GORASP1: variants seen among roughly 807,000 people sequenced by gnomAD.
GORASP1 encodes the protein golgi reassembly stacking protein 1.
GORASP1 carries 31 observed loss-of-function variants against 37.7 expected under a neutral mutation model. The observed-to-expected ratio is 0.82, with a 90% CI of 0.62 to 1.11. The LOEUF is 1.11. Ranked by LOEUF, GORASP1 falls within the 50% of genes least tolerant of loss-of-function variation. The probability of loss-of-function intolerance (pLI) is 0.00; values close to 1 mark genes in which losing one functional copy is unlikely to be tolerated. For missense variants in GORASP1, 476 were observed against 560.7 expected (o/e 0.85, Z 1.53); for synonymous variants, 204 against 224.8 (o/e 0.91, Z 0.83).
rs919745853 is a variant in GORASP1, at chr3:39,096,711, T to C, written c.*1525A>G. On this transcript the variant is annotated 3_prime_UTR_variant, in exon 9 of 9. Coordinates refer to ENST00000319283, the MANE Select transcript of GORASP1 (RefSeq NM_031899.4). ...TATTTTCATTTGTTATTTTCTTTCA[T>C]AGCAGATTACAGAGAAAGAAAGAAA... The C allele has an allele frequency of 6.6e-6, 1 of 152,190 alleles. No homozygotes were observed. The highest frequency in any genetic ancestry group is 1.5e-5 in the Non-Finnish European group (1 of 68,030). 9.4% of individuals were successfully genotyped at this position (152,190 alleles called of 1,614,324 possible).
In GORASP1 at chr3:39,102,604, C is replaced by T; in HGVS notation, c.348+74G>A. On this transcript the variant is annotated intron_variant, in intron 3 of 8. Coordinates refer to ENST00000319283, the MANE Select transcript of GORASP1 (RefSeq NM_031899.4). This position sits in a 1 kb window ranked among gnomAD's most constrained non-coding sequence, Gnocchi z 5.0. ...CACTCCTGCATGTACCCCCTCACAC[C>T]CCGCCCACACCCAGACCTGCCCCAG... 6.7e-7 allele frequency: 1 copy of T among 1,487,620 alleles called. No individual in the cohort carries two copies. The highest frequency in any genetic ancestry group is 9.3e-7 in the Non-Finnish European group (1 of 1,077,954). The allele number at this position is 1,487,620 out of a possible 1,614,324, so 92.2% of individuals were successfully genotyped here.
chr3:39,101,405 C>T (rs55783725), intron 3 of GORASP1: 34,892 of 554,714 alleles, frequency 0.063, 1,497 homozygotes, highest in African/African-American at 0.16. Context: ...ATTATTGAAC[C>T]TCTCCTAGCC....
At chr3:39,107,367 A>T in intron 1 of GORASP1, 112 bp downstream of exon 1, 1 of 684,266 alleles carries the variant, frequency 1.5e-6, no homozygotes, top group Non-Finnish European at 2.1e-6. Context: ...ACCCAGGCGG[A>T]AACACTCGGG....
At position 39,105,197 on chromosome 3, in the gene GORASP1, C is replaced by T. The variant is rs972296892; in HGVS notation, c.64-1644G>A. On this transcript the variant is annotated intron_variant, in intron 1 of 8. Coordinates refer to ENST00000319283, the MANE Select transcript of GORASP1 (RefSeq NM_031899.4). This position sits in a 1 kb window ranked among gnomAD's most constrained non-coding sequence, Gnocchi z 5.4. The stretch of plus-strand genomic sequence containing the variant: ...GCCTCATCACTACTCACTATGGCTC[C>T]GCAGCTGAAATAATCTATGCTGCTG... 5.9e-5 allele frequency among the ~76,000 whole-genome samples: 9 copies of T among 151,940 alleles called. No individual in the cohort carries two copies. The highest frequency in any genetic ancestry group is 1.0e-4 in the Non-Finnish European group (7 of 67,998).
At chr3:39,099,230 T>A (rs750106205) in intron 7 of GORASP1, 123 bp downstream of exon 7, 5 of 1,118,478 alleles carry the variant, frequency 4.5e-6, no homozygotes, top group Non-Finnish European at 6.8e-6. Context: ...GATATGCAAC[T>A]ATTAAATATC....
chr3:39,098,077 T>C lies in GORASP1; in HGVS notation c.*159A>G. 4.9e-6 allele frequency: 4 copies of C among 821,872 alleles called. No individual in the cohort carries two copies. Among genetic ancestry groups the C allele is most frequent in the Non-Finnish European group, 7.5e-6 (4 of 530,896 alleles). 50.9% of individuals were successfully genotyped at this position (821,872 alleles called of 1,614,324 possible). ...GACCTGAGGGTACACGGCCAAAAGA[T>C]ATCCTCCCACAAGGCCCATGGCCCC... On this transcript the variant is annotated 3_prime_UTR_variant, in exon 9 of 9. Transcript: ENST00000319283. This position sits in a 1 kb window ranked among gnomAD's most constrained non-coding sequence, Gnocchi z 4.7.
Position 39,102,988 on chromosome 3 carries a change from T to A in GORASP1, c.145-107A>T. Reference sequence around the variant, plus strand: ...CAAGGGCCTTAGTGGGCAGCAGCCCTCAGCAGGGTCACTGTGGGGATGGGC... The same window carrying A: ...CAAGGGCCTTAGTGGGCAGCAGCCCACAGCAGGGTCACTGTGGGGATGGGC... On this transcript the variant is annotated intron_variant, in intron 2 of 8. Transcript: ENST00000319283. This position sits in a 1 kb window ranked among gnomAD's most constrained non-coding sequence, Gnocchi z 5.0. The A allele has an allele frequency of 9.6e-7, 1 of 1,036,394 alleles. No individual in the cohort carries two copies. The highest frequency in any genetic ancestry group is 1.5e-6 in the Non-Finnish European group (1 of 662,248). The allele number at this position is 1,036,394 out of a possible 1,614,324, so 64.2% of individuals were successfully genotyped here. A position where few individuals can be genotyped will look rare whatever the true frequency, so the allele number is the denominator to read the frequency against.
In GORASP1 at chr3:39,096,719, T is replaced by G. The variant is rs775315448; in HGVS notation, c.*1517A>C. ...TTTGTTATTTTCTTTCATAGCAGAT[T>G]ACAGAGAAAGAAAGAAACCTCTGGT... On this transcript the variant is annotated 3_prime_UTR_variant, in exon 9 of 9. Coordinates refer to ENST00000319283, the MANE Select transcript of GORASP1 (RefSeq NM_031899.4). 5 of 152,178 alleles carry G rather than the reference T, an allele frequency of 3.3e-5. No homozygotes were observed. The highest frequency in any genetic ancestry group is 7.3e-5 in the Non-Finnish European group (5 of 68,034). The allele number at this position is 152,178 out of a possible 1,614,324, so 9.4% of individuals were successfully genotyped here.
Position 39,098,867 on chromosome 3 carries a change from G to A in GORASP1, c.943C>T (p.Leu315Phe). The A allele has an allele frequency of 6.2e-7, 1 of 1,614,098 alleles. No individual in the cohort carries two copies. The highest frequency in any genetic ancestry group is 2.2e-5 in the East Asian group (1 of 44,882). Reference sequence around the variant, plus strand: ...ACACTGGCATTGCTGTTGTCCAAGAGAGAAATTCCCGACACGTCCAGGAAG... The same window carrying A: ...ACACTGGCATTGCTGTTGTCCAAGAAAGAAATTCCCGACACGTCCAGGAAG... ...PGFLDVSGIS[L>F]LDNSNASVWP... is the part of the protein sequence containing the mutation. Residue 315 changes from leucine to phenylalanine, a missense_variant, in exon 8 of 9, where the codon CTC becomes TTC. Coordinates refer to ENST00000319283, the MANE Select transcript of GORASP1 (RefSeq NM_031899.4). This position sits in a 1 kb window ranked among gnomAD's most constrained non-coding sequence, Gnocchi z 4.7.
chr3:39,107,591 G>T lies in GORASP1; in HGVS notation c.-50C>A. ...GGTCCAGTCCCGCTGCGCCTACCCG[G>T]ACCGACCCGACGCCAGTAGCACCGA... On this transcript the variant is annotated 5_prime_UTR_variant, in exon 1 of 9. Coordinates refer to ENST00000319283, the MANE Select transcript of GORASP1 (RefSeq NM_031899.4). 1.4e-6 allele frequency: 2 copies of T among 1,458,778 alleles called. No individual in the cohort carries two copies. The highest frequency in any genetic ancestry group is 2.6e-5 in the South Asian group (2 of 75,788). The allele number at this position is 1,458,778 out of a possible 1,614,324, so 90.4% of individuals were successfully genotyped here.
Position 39,100,700 on chromosome 3 carries a change from C to A in GORASP1, c.566+47G>T. The A allele has an allele frequency of 6.2e-7, 1 of 1,604,486 alleles. No homozygotes were observed. The highest frequency in any genetic ancestry group is 1.1e-5 in the South Asian group (1 of 89,814). On this transcript the variant is annotated intron_variant, in intron 5 of 8. Transcript: ENST00000319283. This position sits in a 1 kb window ranked among gnomAD's most constrained non-coding sequence, Gnocchi z 4.6. ...AACTCTGAGGTCCATGCCCAATGGT[C>A]AGGCCCCACCCACCTGGCCCTGCAG...
chr3:39,106,266 C>T (rs2036069231), intron 1 of GORASP1, among the ~76,000 whole-genome samples: 1 of 152,134 alleles, frequency 6.6e-6, no homozygotes, highest in African/African-American at 2.4e-5. Context: ...ACCTCTGATC[C>T]CTGGTCCCTC....
chr3:39,103,250 CA>C lies in GORASP1; in HGVS notation c.144+222del. The stretch of plus-strand genomic sequence containing the variant: ...GCCCCTTGGGCCTTGTTGCCACCTC[CA>C]AGAGGCCATATGTCCTCTGTCCACC... On this transcript the variant is annotated intron_variant, in intron 2 of 8. Coordinates refer to ENST00000319283, the MANE Select transcript of GORASP1 (RefSeq NM_031899.4). The surrounding 1 kb of genome is among the most constrained non-coding windows in gnomAD (Gnocchi z 5.2). 3.4e-6 allele frequency: 2 copies of C among 589,622 alleles called. No individual in the cohort carries two copies. The highest frequency in any genetic ancestry group is 6.0e-6 in the Non-Finnish European group (2 of 332,196). 36.5% of individuals were successfully genotyped at this position (589,622 alleles called of 1,614,324 possible).
chr3:39,100,671 A>G lies in GORASP1; in HGVS notation c.566+76T>C, dbSNP rs2035641880. 1 of 1,571,938 alleles carries G rather than the reference A, an allele frequency of 6.4e-7. No homozygotes were observed. Among genetic ancestry groups the G allele is most frequent in the Non-Finnish European group, 8.6e-7 (1 of 1,156,786 alleles). On this transcript the variant is annotated intron_variant, in intron 5 of 8. Transcript: ENST00000319283. This position sits in a 1 kb window ranked among gnomAD's most constrained non-coding sequence, Gnocchi z 4.6. Reference sequence around the variant, plus strand: ...GGCCCAACCCTCCTCCATCTCCACCATAGAACTCTGAGGTCCATGCCCAAT... The same window carrying G: ...GGCCCAACCCTCCTCCATCTCCACCGTAGAACTCTGAGGTCCATGCCCAAT...
chr3:39,103,024 G>A lies in GORASP1; in HGVS notation c.145-143C>T, dbSNP rs935896626. 46 of 770,562 alleles carry A rather than the reference G, an allele frequency of 6.0e-5. No individual in the cohort carries two copies. The highest frequency in any genetic ancestry group is 9.9e-5 in the Non-Finnish European group (44 of 444,580). 47.7% of individuals were successfully genotyped at this position (770,562 alleles called of 1,614,324 possible). ...ACTGTGGGGATGGGCCAAGGTAGTG[G>A]ATGGGCCAGGTTCACAGACCAGGGT... On this transcript the variant is annotated intron_variant, in intron 2 of 8. Transcript: ENST00000319283. The surrounding 1 kb of genome is among the most constrained non-coding windows in gnomAD (Gnocchi z 5.2).
chr3:39,102,586 G>T lies in GORASP1; in HGVS notation c.348+92C>A. 2 of 1,266,152 alleles carry T rather than the reference G, an allele frequency of 1.6e-6. No individual in the cohort carries two copies. Among genetic ancestry groups the T allele is most frequent in the South Asian group, 1.3e-5 (1 of 77,588 alleles). 78.4% of individuals were successfully genotyped at this position (1,266,152 alleles called of 1,614,324 possible). A position where few individuals can be genotyped will look rare whatever the true frequency, so the allele number is the denominator to read the frequency against. On this transcript the variant is annotated intron_variant, in intron 3 of 8. Coordinates refer to ENST00000319283, the MANE Select transcript of GORASP1 (RefSeq NM_031899.4). This position sits in a 1 kb window ranked among gnomAD's most constrained non-coding sequence, Gnocchi z 5.0. ...GCTCCAAGGCTCCCACTCCACTCCT[G>T]CATGTACCCCCTCACACCCCGCCCA...
intron 3 of GORASP1, chr3:39,101,312 G>A: frequency 1.6e-6 from 1 of 615,936 alleles, no homozygotes. Flanking sequence ...GCAGTACCAT[G>A]ATAAGGCTCA....
chr3:39,103,571 CCA>C lies in GORASP1; in HGVS notation c.64-20_64-19del. The C allele has an allele frequency of 1.2e-6, 2 of 1,601,738 alleles. No individual in the cohort carries two copies. Among genetic ancestry groups the C allele is most frequent in the Non-Finnish European group, 8.5e-7 (1 of 1,174,158 alleles). ...TCCTGCACCTATCCCACAGCAAAGA[CCA>C]CAGTCACTGCGCCAACCCTGGGACT... On this transcript the variant is annotated intron_variant, in intron 1 of 8. Coordinates refer to ENST00000319283, the MANE Select transcript of GORASP1 (RefSeq NM_031899.4). This position sits in a 1 kb window ranked among gnomAD's most constrained non-coding sequence, Gnocchi z 5.2.
chr3:39,107,362 G>T, intron 1 of GORASP1, 117 bp downstream of exon 1: 1 of 649,412 alleles, frequency 1.5e-6, no homozygotes, highest in Non-Finnish European at 2.2e-6. Context: ...CCGCCACCCA[G>T]GCGGAAACAC....
Sources: allele counts gnomAD v4.1 joint callset (sites outside exome capture counted in the v4.1 genomes callset), GRCh38; gene constraint gnomAD v4.1.1; non-coding constraint Gnocchi (gnomAD v3.1); transcripts MANE v1.5; gene names NCBI Gene and HGNC (gene_info 2026-07-23, HGNC 2026-07-21).